The following DCC variants were observed in gnomAD, a reference collection of about 807,000 sequenced individuals.
The protein encoded by DCC is DCC netrin 1 receptor.
A neutral mutation model predicts 172.5 loss-of-function variants in DCC; 58 were observed. That is an observed-to-expected ratio of 0.34 (90% CI 0.27 to 0.42). The LOEUF (loss-of-function observed/expected upper bound fraction) is 0.42. DCC is among the 10% of genes least tolerant of loss of function. The pLI is 1.00. For missense variants in DCC, 1,740 were observed against 1,791.0 expected (o/e 0.97, Z 0.51); for synonymous variants, 709 against 644.5 (o/e 1.10, Z -1.52).
At chr18:52,842,601 T>C (rs933795001) in intron 2 of DCC, among the ~76,000 whole-genome samples, 1 of 152,208 alleles carries the variant, frequency 6.6e-6, no homozygotes, top group Admixed American at 6.5e-5. Flanking sequence ...TTTAACCAAG[T>C]TTGTGTGCAT....
intron 5 of DCC, among the ~76,000 whole-genome samples, chr18:52,995,424 C>T (rs2145629798): frequency 6.6e-6 from 1 of 152,088 alleles, no homozygotes; most frequent in South Asian, 2.1e-4. Flanking sequence ...TCGGTTTTCT[C>T]TTTTCTAAAG....
intron 7 of DCC, 150 bp from the exon 8 acceptor site, chr18:53,157,206 A>G (rs2054752500): frequency 1.1e-6 from 1 of 901,638 alleles, no homozygotes; most frequent in Admixed American, 1.7e-5. Context: ...TATTCCATTT[A>G]CTGTGTGCAT....
At chr18:53,409,225 A>G (rs1909843349) in intron 19 of DCC, among the ~76,000 whole-genome samples, 1 of 152,154 alleles carries the variant, frequency 6.6e-6, no homozygotes, top group Non-Finnish European at 1.5e-5. Flanking sequence ...TGAGATGTAC[A>G]TAGTGTGCAT....
At chr18:52,421,064 A>G (rs1987230589) in intron 1 of DCC, among the ~76,000 whole-genome samples, 1 of 152,190 alleles carries the variant, frequency 6.6e-6, no homozygotes, top group Non-Finnish European at 1.5e-5. Flanking sequence ...TCTTCAGTGC[A>G]ACAGATACAC....
intron 5 of DCC, among the ~76,000 whole-genome samples, chr18:52,947,453 T>C (rs1436959943): frequency 1.3e-5 from 2 of 152,142 alleles, no homozygotes; most frequent in African/African-American, 2.4e-5. Context: ...ATAGTTGGAC[T>C]TGAGGGGTAG....
intron 8 of DCC, among the ~76,000 whole-genome samples, chr18:53,171,210 CT>C (rs1388423332): frequency 4.6e-5 from 7 of 152,064 alleles, no homozygotes; most frequent in Non-Finnish European, 1.0e-4. Context: ...TGCAAACTCC[CT>C]TTGATATGAT....
At chr18:53,238,122 A>G (rs2056232444) in intron 12 of DCC, among the ~76,000 whole-genome samples, 1 of 152,146 alleles carries the variant, frequency 6.6e-6, no homozygotes, top group Non-Finnish European at 1.5e-5. Flanking sequence ...TTTATCTACT[A>G]TATGTTGCTG....
intron 27 of DCC, among the ~76,000 whole-genome samples, chr18:53,506,659 A>G (rs1223992348): frequency 6.6e-6 from 1 of 152,062 alleles, no homozygotes; most frequent in African/African-American, 2.4e-5. Context: ...GGAGTTCAAG[A>G]CCAGCCTGGG....
chr18:52,949,570 A>C (rs1160388196), intron 5 of DCC, among the ~76,000 whole-genome samples: 2 of 152,226 alleles, frequency 1.3e-5, no homozygotes, highest in Non-Finnish European at 2.9e-5. Context: ...AGGAAATGCC[A>C]ATGGCTGATG....
chr18:53,440,403 A>G (rs1912199460), intron 22 of DCC, among the ~76,000 whole-genome samples: 1 of 152,172 alleles, frequency 6.6e-6, no homozygotes, highest in Non-Finnish European at 1.5e-5. Flanking sequence ...TAATAAATAG[A>G]TCAACATTAT....
chr18:52,921,891 A>G (rs1490970249), intron 3 of DCC, among the ~76,000 whole-genome samples: 1 of 151,940 alleles, frequency 6.6e-6, no homozygotes, highest in Non-Finnish European at 1.5e-5. Context: ...AAGTTGTAGA[A>G]ACATTTCTAC....
chr18:52,403,801 C>G (rs1431937533), intron 1 of DCC, among the ~76,000 whole-genome samples: 1 of 152,008 alleles, frequency 6.6e-6, no homozygotes, highest in Non-Finnish European at 1.5e-5. Context: ...AGAAGAGCCT[C>G]CTCAGCAGCA....
rs753069574 is a variant in DCC, at chr18:52,923,702, C to T, written c.698-5C>T. 12 of 1,598,978 alleles carry T rather than the reference C, an allele frequency of 7.5e-6. No homozygotes were observed. Among genetic ancestry groups the T allele is most frequent in the Non-Finnish European group, 9.4e-6 (11 of 1,166,550 alleles). ...ATCATATGATACTGTGTTTTCCCCT[C>T]ATAGATCCAGGACTGCATAGACAGC... On this transcript the variant is annotated splice_polypyrimidine_tract_variant and splice_region_variant and intron_variant, in intron 3 of 28. Transcript: ENST00000442544.
chr18:53,246,206 A>T (rs1162289926), intron 12 of DCC, among the ~76,000 whole-genome samples: 1 of 152,010 alleles, frequency 6.6e-6, no homozygotes, highest in Non-Finnish European at 1.5e-5. Context: ...AGGCTTTAGC[A>T]CCCTTCTTTG....
At chr18:53,514,020 G>A (rs1305862583) in intron 27 of DCC, among the ~76,000 whole-genome samples, 3 of 151,328 alleles carry the variant, frequency 2.0e-5, no homozygotes, top group Admixed American at 2.0e-4. Flanking sequence ...ATTTTTTTCA[G>A]CACCACACCT....
At chr18:53,500,055 C>G (rs1275322744) in intron 27 of DCC, among the ~76,000 whole-genome samples, 1 of 152,124 alleles carries the variant, frequency 6.6e-6, no homozygotes, top group African/African-American at 2.4e-5. Flanking sequence ...AACTAACTAA[C>G]ATTTAGATTG....
At chr18:52,621,437 G>A (rs941194922) in intron 1 of DCC, among the ~76,000 whole-genome samples, 5 of 152,152 alleles carry the variant, frequency 3.3e-5, no homozygotes, top group Admixed American at 6.5e-5. Context: ...TGAAGATTAA[G>A]TGAAGAAGTC....
chr18:53,178,808 T>C (rs1646710466), intron 8 of DCC, among the ~76,000 whole-genome samples, 154 bp from the exon 9 acceptor site: 1 of 152,204 alleles, frequency 6.6e-6, no homozygotes, highest in Non-Finnish European at 1.5e-5. Context: ...TTATTTTCTA[T>C]AGAAAGTCTG....
At chr18:52,799,412 A>G (rs868759402) in intron 2 of DCC, among the ~76,000 whole-genome samples, 1 of 152,226 alleles carries the variant, frequency 6.6e-6, no homozygotes, top group African/African-American at 2.4e-5. Context: ...ATGGGTATAC[A>G]TGTAACAAGG....
Sources: gnomAD v4.1 joint callset for allele counts (sites outside exome capture counted in the v4.1 genomes callset) on GRCh38, gnomAD v4.1.1 for gene constraint, MANE v1.5 for transcripts, NCBI Gene and HGNC (gene_info 2026-07-23, HGNC 2026-07-21) for gene names.